TEAD4: variants seen among roughly 807,000 people sequenced by gnomAD.
The protein encoded by TEAD4 is TEA domain transcription factor 4, also known as transcriptional enhancer factor TEF-3.
Under a neutral mutation model 52.4 loss-of-function variants are expected in TEAD4, and 36 were observed. The observed-to-expected ratio is 0.69, with a 90% CI of 0.53 to 0.91. The LOEUF is 0.91. TEAD4 is among the 40% of genes least tolerant of loss of function. The pLI is 0.00. For synonymous variants in TEAD4, 220 were observed against 231.0 expected (o/e 0.95, Z 0.43); for missense variants, 508 against 583.9 (o/e 0.87, Z 1.34).
At chr12:2,975,868 T>C (rs1235189853) in intron 2 of TEAD4, among the ~76,000 whole-genome samples, 2 of 152,192 alleles carry the variant, frequency 1.3e-5, no homozygotes, top group African/African-American at 2.4e-5. Context: ...CTGGCAACCA[T>C]TGATCTTTTG....
intron 2 of TEAD4, among the ~76,000 whole-genome samples, chr12:2,992,478 C>G (rs1426568882): frequency 6.6e-6 from 1 of 152,172 alleles, no homozygotes; most frequent in Non-Finnish European, 1.5e-5. Context: ...CAGTGCCTCT[C>G]TGTGAAGGAA....
chr12:3,013,110 C>T (rs917940783), intron 5 of TEAD4, among the ~76,000 whole-genome samples: 4 of 152,100 alleles, frequency 2.6e-5, no homozygotes, highest in African/African-American at 7.2e-5. Flanking sequence ...TGCCACTGCA[C>T]GGCCATTTTT....
intron 2 of TEAD4, among the ~76,000 whole-genome samples, chr12:2,967,360 A>C (rs2098221313): frequency 6.6e-6 from 1 of 150,522 alleles, no homozygotes; most frequent in African/African-American, 2.4e-5. Flanking sequence ...ATGTCATAAA[A>C]AATACTTAAA....
At chr12:3,037,783 G>T (rs186354693) in intron 10 of TEAD4, among the ~76,000 whole-genome samples, 185 bp from the exon 11 acceptor site, 1 of 152,208 alleles carries the variant, frequency 6.6e-6, no homozygotes, top group Admixed American at 6.5e-5. Context: ...TAGGCAACAC[G>T]ACCTGATTTT....
At chr12:2,962,332 A>AT (rs1555118333) in intron 2 of TEAD4, among the ~76,000 whole-genome samples, 13,652 of 81,682 alleles carry the variant, frequency 0.17, 1,083 homozygotes, top group East Asian at 0.43. Context: ...ATATAAATAT[A>AT]AATATATATA....
At chr12:3,009,439 A>T (rs150840824) in intron 3 of TEAD4, among the ~76,000 whole-genome samples, 26 of 151,374 alleles carry the variant, frequency 1.7e-4, no homozygotes, top group Admixed American at 4.6e-4. Flanking sequence ...TAAAAAAAAT[A>T]AAAAATAAAA....
intron 5 of TEAD4, among the ~76,000 whole-genome samples, chr12:3,016,802 C>T (rs549349839): frequency 6.6e-6 from 1 of 152,112 alleles, no homozygotes; most frequent in African/African-American, 2.4e-5. Context: ...CTTATTTGTT[C>T]CGGGCCTATT....
intron 2 of TEAD4, among the ~76,000 whole-genome samples, chr12:2,973,913 A>G (rs2098227296): frequency 6.6e-6 from 1 of 152,220 alleles, no homozygotes; most frequent in African/African-American, 2.4e-5. Context: ...GGTGCAAGAC[A>G]GAATCAGTGG....
At chr12:2,977,628 C>T (rs2098230848) in intron 2 of TEAD4, among the ~76,000 whole-genome samples, 1 of 152,230 alleles carries the variant, frequency 6.6e-6, no homozygotes, top group Non-Finnish European at 1.5e-5. Context: ...GGTGATGAAA[C>T]AGAAGCTTTG....
chr12:3,036,485 C>G (rs145075546), intron 10 of TEAD4, among the ~76,000 whole-genome samples: 28 of 152,306 alleles, frequency 1.8e-4, no homozygotes, highest in African/African-American at 6.3e-4. Context: ...GTGCCTGGCT[C>G]TGAATCTGAC....
intron 11 of TEAD4, among the ~76,000 whole-genome samples, chr12:3,039,776 C>G (rs981156585): frequency 9.9e-5 from 15 of 152,236 alleles, no homozygotes; most frequent in Non-Finnish European, 2.1e-4. Context: ...CAACCTCCGC[C>G]TCCCGGGTTC....
At chr12:3,015,633 A>G (rs956073149) in intron 5 of TEAD4, among the ~76,000 whole-genome samples, 2 of 152,196 alleles carry the variant, frequency 1.3e-5, no homozygotes, top group African/African-American at 2.4e-5. Context: ...GGCGAGCTGC[A>G]GGGCTCACCG....
At chr12:3,018,435 C>T in intron 6 of TEAD4, 110 bp from the exon 7 acceptor site, 1 of 1,325,054 alleles carries the variant, frequency 7.5e-7, no homozygotes. Flanking sequence ...GCCTCGGGCT[C>T]CAGCCTCTCC....
intron 2 of TEAD4, among the ~76,000 whole-genome samples, chr12:2,989,584 G>A (rs529709311): frequency 5.9e-5 from 9 of 151,872 alleles, no homozygotes; most frequent in African/African-American, 1.7e-4. Context: ...GATGACAGGC[G>A]CCCACCACCA....
rs367929498 is a variant in TEAD4 at position 3,011,528 on chromosome 12, G to A, written c.291+460G>A. Among the ~76,000 whole-genome samples, 20 of 149,660 alleles carry A rather than the reference G, an allele frequency of 1.3e-4. No individual in the cohort carries two copies. The East Asian group carries it at 3.7e-3, about 27-fold the overall frequency. On this transcript the variant is annotated intron_variant, in intron 4 of 12. Coordinates refer to ENST00000359864, the MANE Select transcript of TEAD4 (RefSeq NM_003213.4). ...ATTATAGGCGTGAGCCACCACCCCC[G>A]GCCGGGTGGTCCAGTTTTCTTGGGG...
intron 2 of TEAD4, among the ~76,000 whole-genome samples, chr12:2,991,789 ACT>A (rs1328444217): frequency 1.3e-5 from 2 of 151,914 alleles, no homozygotes; most frequent in African/African-American, 2.4e-5. Context: ...CTGCCCCCAA[ACT>A]CTCATGAAAA....
At chr12:2,973,322 C>T (rs1306209337) in intron 2 of TEAD4, among the ~76,000 whole-genome samples, 10 of 152,160 alleles carry the variant, frequency 6.6e-5, no homozygotes, top group South Asian at 2.1e-4. Context: ...CCACCCGCCT[C>T]GCCTCCCACA....
At chr12:3,016,061 T>A (rs2098264255) in intron 5 of TEAD4, among the ~76,000 whole-genome samples, 1 of 152,112 alleles carries the variant, frequency 6.6e-6, no homozygotes, top group Non-Finnish European at 1.5e-5. Context: ...AGATTCTTGC[T>A]CCGTTGCCCA....
chr12:2,960,536 G>C (rs1366272099), intron 2 of TEAD4, among the ~76,000 whole-genome samples: 1 of 152,080 alleles, frequency 6.6e-6, no homozygotes, highest in South Asian at 2.1e-4. Flanking sequence ...TGAGGCACTT[G>C]AGGCCCCGCG....
Sources: gnomAD v4.1 joint callset for allele counts (sites outside exome capture counted in the v4.1 genomes callset) on GRCh38, gnomAD v4.1.1 for gene constraint, MANE v1.5 for transcripts, NCBI Gene and HGNC (gene_info 2026-07-23, HGNC 2026-07-21) for gene names.